The following ADAMTS12 variants were observed in gnomAD, a reference collection of about 807,000 sequenced individuals.
ADAMTS12 encodes the protein A disintegrin and metalloproteinase with thrombospondin motifs 12.
In ADAMTS12, 118 loss-of-function variants were observed where a neutral mutation model predicts 167.8. The ratio of observed to expected loss-of-function variants is 0.70; its 90% CI spans 0.61 to 0.82. ADAMTS12 has a LOEUF of 0.82. Among genes scored for constraint, ADAMTS12 ranks in the 40% least tolerant of loss-of-function variants. The pLI is 0.00. For missense variants in ADAMTS12, 1,916 were observed against 1,998.8 expected (o/e 0.96, Z 0.79); for synonymous variants, 704 against 716.9 (o/e 0.98, Z 0.29).
At chr5:33,738,660 G>T (rs1744451100) in intron 3 of ADAMTS12, among the ~76,000 whole-genome samples, 1 of 152,218 alleles carries the variant, frequency 6.6e-6, no homozygotes, top group South Asian at 2.1e-4. Flanking sequence ...ATCAACATCA[G>T]TGCCATGGGA....
At chr5:33,766,913 C>T (rs1044978734) in intron 2 of ADAMTS12, among the ~76,000 whole-genome samples, 1 of 152,128 alleles carries the variant, frequency 6.6e-6, no homozygotes, top group Non-Finnish European at 1.5e-5. Context: ...GAAATACATA[C>T]TTTTCATCCC....
At chr5:33,743,689 A>G (rs138112051) in intron 3 of ADAMTS12, among the ~76,000 whole-genome samples, 10 of 152,242 alleles carry the variant, frequency 6.6e-5, no homozygotes, top group African/African-American at 2.4e-4. Context: ...ATCTGCGTCT[A>G]TCCATCCATC....
At chr5:33,785,671 G>A (rs1287131075) in intron 2 of ADAMTS12, among the ~76,000 whole-genome samples, 4 of 152,160 alleles carry the variant, frequency 2.6e-5, no homozygotes, top group African/African-American at 4.8e-5. Flanking sequence ...AATGCCAAAT[G>A]TTGGCTAACA....
At chr5:33,768,422 C>G (rs1010774318) in intron 2 of ADAMTS12, among the ~76,000 whole-genome samples, 2 of 152,080 alleles carry the variant, frequency 1.3e-5, no homozygotes, top group African/African-American at 4.8e-5. Flanking sequence ...TTCGAAAGCC[C>G]TTTTAAATCA....
chr5:33,590,955 G>A (rs73080329), intron 17 of ADAMTS12, among the ~76,000 whole-genome samples: 4,089 of 149,934 alleles, frequency 0.027, 164 homozygotes, highest in African/African-American at 0.09. Flanking sequence ...CAGGAGCCAT[G>A]GTCCAGTTGT....
In ADAMTS12 at chr5:33,745,799, G is replaced by C. The variant is rs181645661; in HGVS notation, c.634+5605C>G. 2.6e-5 allele frequency among the ~76,000 whole-genome samples: 4 copies of C among 152,298 alleles called. No individual in the cohort carries two copies. The East Asian group carries it at 7.7e-4, about 29-fold the overall frequency. On this transcript the variant is annotated intron_variant, in intron 3 of 23. Coordinates refer to ENST00000504830, the MANE Select transcript of ADAMTS12 (RefSeq NM_030955.4). ...ACAGAGAAATTGTGCTGAGGCCTCTGGCACTCTGAGTACCTAAAGTGTTGG... is the reference window on the plus strand; with the variant it reads ...ACAGAGAAATTGTGCTGAGGCCTCTCGCACTCTGAGTACCTAAAGTGTTGG...
At chr5:33,568,197 T>A (rs1240616684) in intron 19 of ADAMTS12, among the ~76,000 whole-genome samples, 1 of 152,204 alleles carries the variant, frequency 6.6e-6, no homozygotes, top group Non-Finnish European at 1.5e-5. Flanking sequence ...CAAATTGGCT[T>A]ACTGTAAGCA....
intron 16 of ADAMTS12, among the ~76,000 whole-genome samples, chr5:33,610,984 C>A (rs143956161): frequency 6.6e-5 from 10 of 152,076 alleles, no homozygotes; most frequent in African/African-American, 2.4e-4. Context: ...AGAGATCGCT[C>A]GAACCCAGAG....
chr5:33,686,312 C>T (rs377676225), intron 3 of ADAMTS12, among the ~76,000 whole-genome samples: 10 of 152,146 alleles, frequency 6.6e-5, no homozygotes, highest in Non-Finnish European at 1.0e-4. Context: ...GTGCACAGCC[C>T]CTCATTAAAG....
At chr5:33,650,114 G>A (rs1341047128) in intron 7 of ADAMTS12, among the ~76,000 whole-genome samples, 5 of 152,208 alleles carry the variant, frequency 3.3e-5, no homozygotes, top group Non-Finnish European at 7.3e-5. Flanking sequence ...GAATTTAAGA[G>A]ACAGCATGAA....
At chr5:33,613,655 A>G (rs1397316249) in intron 16 of ADAMTS12, among the ~76,000 whole-genome samples, 1 of 152,156 alleles carries the variant, frequency 6.6e-6, no homozygotes, top group Non-Finnish European at 1.5e-5. Flanking sequence ...TTAAAAATCA[A>G]CCTTCATTGT....
intron 2 of ADAMTS12, among the ~76,000 whole-genome samples, chr5:33,777,923 T>C (rs1038242339): frequency 6.6e-6 from 1 of 151,886 alleles, no homozygotes; most frequent in Admixed American, 6.6e-5. Context: ...ATCACATTTA[T>C]AATAGGAGAA....
chr5:33,760,157 T>C (rs1010512175), intron 2 of ADAMTS12, among the ~76,000 whole-genome samples: 2 of 152,182 alleles, frequency 1.3e-5, no homozygotes, highest in Non-Finnish European at 1.5e-5. Flanking sequence ...TGGTGCTTAA[T>C]TGTTTTCACC....
intron 2 of ADAMTS12, among the ~76,000 whole-genome samples, chr5:33,755,579 T>C (rs926907603): frequency 1.3e-4 from 20 of 152,228 alleles, no homozygotes; most frequent in African/African-American, 4.3e-4. Flanking sequence ...CAGCATCTTA[T>C]ATGGAATTTG....
At chr5:33,597,832 A>G (rs915455378) in intron 16 of ADAMTS12, among the ~76,000 whole-genome samples, 1 of 152,084 alleles carries the variant, frequency 6.6e-6, no homozygotes, top group Non-Finnish European at 1.5e-5. Context: ...AGAGTGGGGG[A>G]AAAAAGTTTA....
intron 7 of ADAMTS12, among the ~76,000 whole-genome samples, chr5:33,651,649 CTTTATT>C (rs1321327133): frequency 6.6e-6 from 1 of 151,970 alleles, no homozygotes; most frequent in Non-Finnish European, 1.5e-5. Context: ...TTTTTCTATT[CTTTATT>C]TTTATAAGTT....
intron 6 of ADAMTS12, 124 bp downstream of exon 6, chr5:33,661,792 C>CA (rs1373052746): frequency 1.6e-5 from 22 of 1,371,062 alleles, no homozygotes; most frequent in Admixed American, 2.0e-5. Context: ...AGATCAAAGA[C>CA]ACTGTCTTTA....
chr5:33,816,834 A>C (rs1747672841), intron 2 of ADAMTS12, among the ~76,000 whole-genome samples: 2 of 152,164 alleles, frequency 1.3e-5, no homozygotes, highest in Admixed American at 1.3e-4. Context: ...ATTTTAACTT[A>C]GTAGCCTATT....
At chr5:33,714,038 T>A (rs1158677930) in intron 3 of ADAMTS12, among the ~76,000 whole-genome samples, 1 of 152,130 alleles carries the variant, frequency 6.6e-6, no homozygotes, top group Non-Finnish European at 1.5e-5. Flanking sequence ...ATACCACTTG[T>A]ATTTATTTGA....
Sources: allele counts gnomAD v4.1 joint callset (sites outside exome capture counted in the v4.1 genomes callset), GRCh38; gene constraint gnomAD v4.1.1; transcripts MANE v1.5; gene names NCBI Gene and HGNC (gene_info 2026-07-23, HGNC 2026-07-21).